The following TPPP2 variants were observed in gnomAD, a reference collection of about 807,000 sequenced individuals.
The protein encoded by TPPP2 is tubulin polymerization-promoting protein family member 2.
A neutral mutation model predicts 13.0 loss-of-function variants in TPPP2; 8 were observed. The ratio of observed to expected loss-of-function variants is 0.62; its 90% CI spans 0.36 to 1.11. TPPP2 has a LOEUF of 1.11. Among genes scored for constraint, TPPP2 ranks in the 50% most tolerant of loss-of-function variants. The pLI is 0.02. For synonymous variants in TPPP2, 81 were observed against 81.8 expected (o/e 0.99, Z 0.05); for missense variants, 213 against 216.9 (o/e 0.98, Z 0.11).
upstream of TPPP2, among the ~76,000 whole-genome samples, chr14:21,029,722 C>A (rs1253670788): frequency 6.6e-6 from 1 of 152,130 alleles, no homozygotes; most frequent in African/African-American, 2.4e-5. Flanking sequence ...GGGATTCATA[C>A]CCTTATAAAT....
upstream of TPPP2, among the ~76,000 whole-genome samples, chr14:21,027,910 T>C (rs1300912044): frequency 6.6e-6 from 1 of 152,188 alleles, no homozygotes; most frequent in African/African-American, 2.4e-5. Context: ...AGAGAGAGCA[T>C]GAAGGACAGT....
Position 21,032,256 on chromosome 14 carries a change from A to C in TPPP2, c.*179A>C. 2 of 705,866 alleles carry C rather than the reference A, an allele frequency of 2.8e-6. No homozygotes were observed. The highest frequency in any genetic ancestry group is 3.0e-5 in the South Asian group (2 of 67,146). 43.7% of individuals were successfully genotyped at this position (705,866 alleles called of 1,614,324 possible). A position where few individuals can be genotyped will look rare whatever the true frequency, so the allele number is the denominator to read the frequency against. On this transcript the variant is annotated 3_prime_UTR_variant, in exon 4 of 4. Coordinates refer to ENST00000321760, the MANE Select transcript of TPPP2 (RefSeq NM_173846.5). ...AGCACAGGAGGGTGGGTTCTCCACC[A>C]CACACCCTTCGCTCTGCTTAGCCTT...
chr14:21,035,863 C>T (rs1476659095), downstream of TPPP2: 3 of 456,022 alleles, frequency 6.6e-6, no homozygotes, highest in Admixed American at 2.3e-5. Flanking sequence ...ATCCCAGCTA[C>T]GGGGAGGCGG....
chr14:21,032,409 C>T lies in TPPP2; in HGVS notation c.*332C>T, dbSNP rs1249771954. 1 of 447,254 alleles carries T rather than the reference C, an allele frequency of 2.2e-6. No homozygotes were observed. Among genetic ancestry groups the T allele is most frequent in the Non-Finnish European group, 4.4e-6 (1 of 226,084 alleles). 27.7% of individuals were successfully genotyped at this position (447,254 alleles called of 1,614,324 possible). A position where few individuals can be genotyped will look rare whatever the true frequency, so the allele number is the denominator to read the frequency against. ...AAAGTATCTACTACTTGTGTTCACA[C>T]ATTACTGATATCCACCTCTCCACCC... On this transcript the variant is annotated 3_prime_UTR_variant, in exon 4 of 4. Transcript: ENST00000321760.
rs1273739832 is a variant in TPPP2, at chr14:21,031,912, A to G, written c.348A>G (p.Ala116=). ...TGCAGAAAGCAACAACAGTGGGTGC[A>G]GTGGACCGTTTGACAGACACCAGCA... is the stretch of plus-strand genomic sequence containing the variant. ...TGATKATTVG[A]VDRLTDTSKY... Residue 116 remains alanine (A), a synonymous_variant, in exon 4 of 4, where the codon GCA becomes GCG. Coordinates refer to ENST00000321760, the MANE Select transcript of TPPP2 (RefSeq NM_173846.5). 1.2e-6 allele frequency: 2 copies of G among 1,614,168 alleles called. No homozygotes were observed. Among genetic ancestry groups the G allele is most frequent in the South Asian group, 1.1e-5 (1 of 91,076 alleles).
downstream of TPPP2, chr14:21,036,066 A>G (rs915475117): frequency 5.4e-5 from 21 of 391,512 alleles, no homozygotes; most frequent in Non-Finnish European, 1.0e-4. Context: ...GTATATCAAG[A>G]GTTTTTAGAC....
rs1282924001 is a variant in TPPP2 at position 21,025,207 on chromosome 14, C to G, written n.236+863C>G. 3 of 868,422 alleles carry G rather than the reference C, an allele frequency of 3.5e-6. No homozygotes were observed. The highest frequency in any genetic ancestry group is 2.8e-6 in the Non-Finnish European group (2 of 723,248). The allele number at this position is 868,422 out of a possible 1,614,324, so 53.8% of individuals were successfully genotyped here. On this transcript the variant is annotated intron_variant and non_coding_transcript_variant, in intron 1 of 1. Coordinates refer to the TPPP2 transcript ENST00000533755. This position sits in a 1 kb window ranked among gnomAD's most constrained non-coding sequence, Gnocchi z 5.1. ...CCCCCTTTCACCCCGCCCAGACTGC[C>G]GCTCAGGAAAGGGTTGTGCTGGGGC...
At chr14:21,035,108 A>G (rs1019060963), downstream of TPPP2, among the ~76,000 whole-genome samples, 2 of 152,226 alleles carry the variant, frequency 1.3e-5, no homozygotes, top group South Asian at 2.1e-4. Flanking sequence ...CCAGGAGGGC[A>G]TGTACTCAGG....
upstream of TPPP2, chr14:21,025,747 G>C (rs1388178969): frequency 1.0e-6 from 1 of 983,282 alleles, no homozygotes; most frequent in African/African-American, 1.7e-5. This position sits in a 1 kb window ranked among gnomAD's most constrained non-coding sequence, Gnocchi z 5.1. Flanking sequence ...AACAAGGCGG[G>C]GAGGTGGGGG....
upstream of TPPP2, chr14:21,025,848 T>C (rs1883537332): frequency 1.0e-5 from 2 of 190,476 alleles, no homozygotes; most frequent in Non-Finnish European, 1.8e-5. The surrounding 1 kb of genome is among the most constrained non-coding windows in gnomAD (Gnocchi z 5.1). Context: ...CTGGGGTCAA[T>C]GCCTCAAGGG....
upstream of TPPP2, among the ~76,000 whole-genome samples, chr14:21,027,002 G>C (rs552473497): frequency 9.2e-5 from 14 of 152,264 alleles, no homozygotes; most frequent in African/African-American, 3.1e-4. Context: ...TACTTGGAGT[G>C]GGGGAGGGAA....
intron 1 of TPPP2, chr14:21,024,534 C>T: frequency 1.0e-6 from 1 of 985,516 alleles, no homozygotes; most frequent in Non-Finnish European, 1.2e-6. Flanking sequence ...CAGAGCATGG[C>T]TGTTTCCCTC....
chr14:21,025,868 A>C, upstream of TPPP2: 1 of 141,838 alleles, frequency 7.1e-6, no homozygotes, highest in Non-Finnish European at 1.4e-5. This position sits in a 1 kb window ranked among gnomAD's most constrained non-coding sequence, Gnocchi z 5.1. Context: ...GGCGCGGGGG[A>C]GGGGCCGGGG....
chr14:21,030,311 A>C lies in TPPP2; in HGVS notation c.-70+7A>C. 1 of 437,956 alleles carries C rather than the reference A, an allele frequency of 2.3e-6. No homozygotes were observed. Among genetic ancestry groups the C allele is most frequent in the Non-Finnish European group, 4.2e-6 (1 of 238,354 alleles). The allele number at this position is 437,956 out of a possible 1,614,324, so 27.1% of individuals were successfully genotyped here. A position where few individuals can be genotyped will look rare whatever the true frequency, so the allele number is the denominator to read the frequency against. On this transcript the variant is annotated splice_region_variant and intron_variant, in intron 1 of 3. Coordinates refer to ENST00000321760, the MANE Select transcript of TPPP2 (RefSeq NM_173846.5). ...ACCATCCGGGTACTCTAAGGTACAT[A>C]AAAGAGGTAGGGGAAAGAGAGGATC...
downstream of TPPP2, chr14:21,032,953 A>G: frequency 2.2e-6 from 1 of 456,098 alleles, no homozygotes; most frequent in Non-Finnish European, 4.4e-6. Context: ...ATGTGGTTTT[A>G]GAAATTTATG....
upstream of TPPP2, among the ~76,000 whole-genome samples, chr14:21,027,385 A>C (rs1883764865): frequency 6.6e-6 from 1 of 151,806 alleles, no homozygotes; most frequent in African/African-American, 2.4e-5. Flanking sequence ...CAAAGTGTGC[A>C]TCTGGTCACA....
upstream of TPPP2, among the ~76,000 whole-genome samples, chr14:21,028,158 G>A (rs181234060): frequency 7.2e-5 from 11 of 152,218 alleles, no homozygotes; most frequent in Admixed American, 1.3e-4. Context: ...CTCCCAAGTA[G>A]CCTGTCAAGT....
At chr14:21,035,441 C>T (rs1461873766), downstream of TPPP2, among the ~76,000 whole-genome samples, 1 of 152,200 alleles carries the variant, frequency 6.6e-6, no homozygotes, top group East Asian at 1.9e-4. Context: ...AACATCTTCC[C>T]TTTCATCAGA....
chr14:21,029,110 T>C (rs909504124), upstream of TPPP2: 1 of 152,222 alleles, frequency 6.6e-6, no homozygotes, highest in Admixed American at 6.5e-5. Context: ...ACATCTGTTA[T>C]ACTCCAAGGC....
Sources: gnomAD v4.1 joint callset for allele counts (sites outside exome capture counted in the v4.1 genomes callset) on GRCh38, gnomAD v4.1.1 for gene constraint, Gnocchi (gnomAD v3.1) non-coding constraint, MANE v1.5 for transcripts, NCBI Gene and HGNC (gene_info 2026-07-23, HGNC 2026-07-21) for gene names.